SCLT1: variants seen among roughly 807,000 people sequenced by gnomAD.
The protein encoded by SCLT1 is sodium channel and clathrin linker 1, also known as sodium channel-associated protein 1.
Under a neutral mutation model 112.8 loss-of-function variants are expected in SCLT1, and 78 were observed. That is an observed-to-expected ratio of 0.69 (90% CI 0.58 to 0.83). The LOEUF (loss-of-function observed/expected upper bound fraction) is 0.83. SCLT1 is among the 40% of genes least tolerant of loss of function. The pLI is 0.00. For missense variants in SCLT1, 747 were observed against 770.4 expected (o/e 0.97, Z 0.36); for synonymous variants, 257 against 254.7 (o/e 1.01, Z -0.09).
Position 128,957,017 on chromosome 4 carries a change from A to C in SCLT1, c.1146+9T>G. 6.9e-7 allele frequency: 1 copy of C among 1,448,248 alleles called. No homozygotes were observed. Among genetic ancestry groups the C allele is most frequent in the Non-Finnish European group, 9.4e-7 (1 of 1,060,038 alleles). 89.7% of individuals were successfully genotyped at this position (1,448,248 alleles called of 1,614,324 possible). A position where few individuals can be genotyped will look rare whatever the true frequency, so the allele number is the denominator to read the frequency against. On this transcript the variant is annotated intron_variant, in intron 13 of 20. Coordinates refer to ENST00000281142, the MANE Select transcript of SCLT1 (RefSeq NM_144643.4). ...ATTCTGAATTTTAAATATAATTAAA[A>C]ATCCTTACTTCTTTCTTGGTTCTTA...
At chr4:128,911,163 G>A (rs1735066064) in intron 18 of SCLT1, among the ~76,000 whole-genome samples, 1 of 152,266 alleles carries the variant, frequency 6.6e-6, no homozygotes, top group Non-Finnish European at 1.5e-5. Context: ...CTACTCGGGA[G>A]GCTAAGGCAG....
At chr4:128,892,242 C>T (rs981441134) in intron 18 of SCLT1, among the ~76,000 whole-genome samples, 4 of 152,108 alleles carry the variant, frequency 2.6e-5, no homozygotes, top group Non-Finnish European at 5.9e-5. Context: ...ACAATGTAGC[C>T]TTAAAAGTAA....
intron 17 of SCLT1, among the ~76,000 whole-genome samples, chr4:128,939,382 C>T (rs900965006): frequency 3.3e-5 from 5 of 152,234 alleles, no homozygotes; most frequent in Middle Eastern, 3.4e-3. Context: ...GCACCATAGC[C>T]TTTAGTATAT....
chr4:128,997,983 G>A, intron 7 of SCLT1, 44 bp from the exon 8 acceptor site: 2 of 931,170 alleles, frequency 2.1e-6, no homozygotes, highest in Non-Finnish European at 3.1e-6. Context: ...GCATTTTGTT[G>A]TTTATAACCC....
intron 18 of SCLT1, among the ~76,000 whole-genome samples, chr4:128,917,919 T>C (rs1057305837): frequency 6.6e-6 from 1 of 152,048 alleles, no homozygotes; most frequent in Admixed American, 6.6e-5. Flanking sequence ...AAGGTTAAAG[T>C]GAACCATATC....
chr4:128,949,967 A>G (rs1738571353), intron 14 of SCLT1, among the ~76,000 whole-genome samples: 1 of 91,634 alleles, frequency 1.1e-5, no homozygotes, highest in Admixed American at 1.1e-4. Flanking sequence ...TATGTTTTTA[A>G]ATTTTAAAGT....
intron 18 of SCLT1, among the ~76,000 whole-genome samples, chr4:128,936,287 G>T (rs6814450): frequency 0.25 from 37,958 of 151,942 alleles, 5,455 homozygotes; most frequent in East Asian, 0.32. Flanking sequence ...AAGCTCTTGA[G>T]CTTCCCATCT....
At chr4:128,953,467 G>A (rs1738939708) in intron 13 of SCLT1, among the ~76,000 whole-genome samples, 1 of 152,152 alleles carries the variant, frequency 6.6e-6, no homozygotes, top group Non-Finnish European at 1.5e-5. Context: ...AGAAGTAGGT[G>A]TGACCTTGTG....
At position 129,032,837 on chromosome 4, in the gene SCLT1, A is replaced by G. The variant is rs375051657; in HGVS notation, c.290+6204T>C. On this transcript the variant is annotated intron_variant, in intron 5 of 20. Transcript: ENST00000281142. Reference sequence around the variant, plus strand: ...TCATTAAAAAGCCAGGAAACAACAGATGCTGGTGAGGCTGTGGAGAAATAG... The same window carrying G: ...TCATTAAAAAGCCAGGAAACAACAGGTGCTGGTGAGGCTGTGGAGAAATAG... Among the ~76,000 whole-genome samples, 95 of 152,206 alleles carry G rather than the reference A, an allele frequency of 6.2e-4. 2 individuals carry two copies. The South Asian group carries it at 0.019, about 31-fold the overall frequency.
intron 8 of SCLT1, among the ~76,000 whole-genome samples, chr4:128,994,599 C>A (rs1055004929): frequency 6.6e-6 from 1 of 152,072 alleles, no homozygotes; most frequent in African/African-American, 2.4e-5. Context: ...TACTGTGTTC[C>A]ATGGCAGATG....
At chr4:129,080,268 CAGGCTG>C (rs1751820670) in intron 2 of SCLT1, among the ~76,000 whole-genome samples, 1 of 152,242 alleles carries the variant, frequency 6.6e-6, no homozygotes, top group African/African-American at 2.4e-5. Flanking sequence ...ATCACATGGT[CAGGCTG>C]TAAACTTTCC....
intron 18 of SCLT1, among the ~76,000 whole-genome samples, chr4:128,893,904 G>A (rs1256300151): frequency 2.0e-5 from 3 of 151,936 alleles, no homozygotes; most frequent in Admixed American, 6.6e-5. Context: ...TAAGTAACTT[G>A]CCTAGGGTCA....
rs1017859736 is a variant in SCLT1, at chr4:128,994,468, T to C, written c.616-2231A>G. Among the ~76,000 whole-genome samples the C allele has an allele frequency of 2.6e-5, 4 of 152,168 alleles. No individual in the cohort carries two copies. In the East Asian group the frequency reaches 5.8e-4, roughly 22 times the overall value. On this transcript the variant is annotated intron_variant, in intron 8 of 20. Transcript: ENST00000281142. ...CTTGGCTAATGTGAATATGCTGCAATAAGCACAGGAATGCTAATATCTCTT... is the reference window on the plus strand; with the variant it reads ...CTTGGCTAATGTGAATATGCTGCAACAAGCACAGGAATGCTAATATCTCTT...
chr4:128,960,580 C>G (rs914958379), intron 11 of SCLT1, among the ~76,000 whole-genome samples: 4 of 152,120 alleles, frequency 2.6e-5, no homozygotes, highest in African/African-American at 9.7e-5. Flanking sequence ...ATCTTCTTTG[C>G]ATATTTTTTT....
intron 20 of SCLT1, among the ~76,000 whole-genome samples, chr4:128,886,695 A>G (rs1221020645): frequency 5.9e-5 from 9 of 152,170 alleles, no homozygotes; most frequent in Non-Finnish European, 1.2e-4. Flanking sequence ...GTTACTGACA[A>G]AACATTTTAA....
intron 9 of SCLT1, chr4:128,971,241 C>T (rs558122965): frequency 1.3e-5 from 2 of 152,208 alleles, no homozygotes; most frequent in African/African-American, 4.8e-5. Context: ...GAACTGTTCC[C>T]TATTTCTTAA....
intron 8 of SCLT1, among the ~76,000 whole-genome samples, chr4:128,995,796 A>G (rs1371255953): frequency 6.6e-6 from 1 of 152,084 alleles, no homozygotes. Context: ...CGTGAGACAG[A>G]TGCTATTTCT....
rs552199708 is a variant in SCLT1, at chr4:129,028,834, A to C, written c.290+10207T>G. ...ATGAACTCCAACAAATTTACAACAA[A>C]AAAAAAACCATCCCATCAAAAAGTG... is the stretch of plus-strand genomic sequence containing the variant. On this transcript the variant is annotated intron_variant, in intron 5 of 20. Coordinates refer to ENST00000281142, the MANE Select transcript of SCLT1 (RefSeq NM_144643.4). Among the ~76,000 whole-genome samples the C allele has an allele frequency of 9.9e-5, 15 of 152,224 alleles. No homozygotes were observed. In the South Asian group the frequency reaches 1.0e-3, roughly 11 times the overall value.
chr4:128,945,305 G>GT (rs2125992153), intron 16 of SCLT1, among the ~76,000 whole-genome samples: 1 of 152,184 alleles, frequency 6.6e-6, no homozygotes, highest in African/African-American at 2.4e-5. Context: ...ACGTCTCTTA[G>GT]TACATACAAG....
Sources: gnomAD v4.1 joint callset for allele counts (sites outside exome capture counted in the v4.1 genomes callset) on GRCh38, gnomAD v4.1.1 for gene constraint, MANE v1.5 for transcripts, NCBI Gene and HGNC (gene_info 2026-07-23, HGNC 2026-07-21) for gene names.